The following GYS2 variants were observed in gnomAD, a reference collection of about 807,000 sequenced individuals.
GYS2 encodes glycogen synthase 2.
A neutral mutation model predicts 85.6 loss-of-function variants in GYS2; 80 were observed. The ratio of observed to expected loss-of-function variants is 0.93; its 90% CI spans 0.78 to 1.13. The LOEUF (loss-of-function observed/expected upper bound fraction) is 1.13. Ranked by LOEUF, GYS2 falls within the 50% of genes most tolerant of loss-of-function variation. GYS2 has a pLI of 0.00. For synonymous variants in GYS2, 328 were observed against 300.7 expected (o/e 1.09, Z -0.94); for missense variants, 881 against 854.9 (o/e 1.03, Z -0.38).
intron 1 of GYS2, among the ~76,000 whole-genome samples, chr12:21,596,108 A>G (rs1944693422): frequency 2.0e-5 from 3 of 152,138 alleles, no homozygotes; most frequent in Non-Finnish European, 2.9e-5. Context: ...TTAATTGGTA[A>G]TTAAAAAATT....
At chr12:21,548,459 T>C (rs1270623139) in intron 11 of GYS2, among the ~76,000 whole-genome samples, 1 of 152,160 alleles carries the variant, frequency 6.6e-6, no homozygotes, top group African/African-American at 2.4e-5. Flanking sequence ...GCATAGGTCA[T>C]AGTAATATGA....
intron 12 of GYS2, 136 bp from the exon 13 acceptor site, chr12:21,542,727 T>C: frequency 1.4e-6 from 1 of 700,098 alleles, no homozygotes. Context: ...CTAAACTCTT[T>C]ACATGTCTCA....
intron 12 of GYS2, among the ~76,000 whole-genome samples, chr12:21,543,682 C>A (rs1404091348): frequency 6.6e-6 from 1 of 151,980 alleles, no homozygotes; most frequent in Non-Finnish European, 1.5e-5. Flanking sequence ...ACCTATCAAC[C>A]CATCGTCTAG....
Position 21,568,930 on chromosome 12 carries a change from T to C in GYS2, c.758A>G (p.His253Arg). 1 of 1,613,414 alleles carries C rather than the reference T, an allele frequency of 6.2e-7. No individual in the cohort carries two copies. The highest frequency in any genetic ancestry group is 8.5e-7 in the Non-Finnish European group (1 of 1,179,282). ...CMERASVHCAHVFTTVSEITA... is the reference protein window; with the variant it reads ...CMERASVHCARVFTTVSEITA... ...TATTTCAGAAACCGTGGTGAACACG[T>C]GAGCGCAATGAACGGAAGCTCGCTC... The change falls in exon 5 of 16, where the codon CAC becomes CGC. Residue 253 changes from histidine (H) to arginine (R), a missense_variant. Physicochemically the swap from His to Arg is conservative, Grantham distance 29. Coordinates refer to ENST00000261195, the MANE Select transcript of GYS2 (RefSeq NM_021957.4).
At chr12:21,544,262 G>A in intron 12 of GYS2, among the ~76,000 whole-genome samples, 1 of 152,132 alleles carries the variant, frequency 6.6e-6, no homozygotes, top group East Asian at 1.9e-4. Flanking sequence ...GTAAAACACA[G>A]CATGACTCAT....
intron 2 of GYS2, among the ~76,000 whole-genome samples, chr12:21,576,924 C>T (rs112883192): frequency 1.1e-4 from 17 of 152,242 alleles, no homozygotes; most frequent in Middle Eastern, 3.4e-3. Flanking sequence ...GCAGAGGCTA[C>T]GAGTCTTTCT....
At chr12:21,584,894 G>T (rs895534153) in intron 1 of GYS2, among the ~76,000 whole-genome samples, 2 of 152,282 alleles carry the variant, frequency 1.3e-5, no homozygotes, top group South Asian at 4.1e-4. Flanking sequence ...GTGACAGTGG[G>T]CTCATGCTCA....
At chr12:21,575,162 A>G (rs899323234) in intron 3 of GYS2, among the ~76,000 whole-genome samples, 6 of 152,180 alleles carry the variant, frequency 3.9e-5, no homozygotes, top group African/African-American at 1.4e-4. Context: ...TAACTGATAT[A>G]TTATTAAGAA....
At chr12:21,587,838 G>A (rs1944591534) in intron 1 of GYS2, among the ~76,000 whole-genome samples, 1 of 152,146 alleles carries the variant, frequency 6.6e-6, no homozygotes, top group Non-Finnish European at 1.5e-5. Context: ...GATGTCATGA[G>A]GAGGAATTTT....
At chr12:21,562,144 T>C (rs1944261121) in intron 7 of GYS2, among the ~76,000 whole-genome samples, 1 of 152,200 alleles carries the variant, frequency 6.6e-6, no homozygotes, top group Admixed American at 6.5e-5. Flanking sequence ...ACCCACTTTG[T>C]ATCCCACCTT....
intron 8 of GYS2, 83 bp from the exon 9 acceptor site, chr12:21,559,793 TG>T: frequency 1.1e-6 from 1 of 872,282 alleles, no homozygotes; most frequent in African/African-American, 1.7e-5. Flanking sequence ...ATTGTTTTGT[TG>T]ACATTCTTTG....
chr12:21,546,693 C>T (rs1002985567), intron 11 of GYS2, among the ~76,000 whole-genome samples: 1 of 152,196 alleles, frequency 6.6e-6, no homozygotes, highest in Non-Finnish European at 1.5e-5. Flanking sequence ...AACTTTCCCT[C>T]AGGTTCCAAG....
In GYS2 at chr12:21,559,151, C is replaced by G. The variant is rs748094604; in HGVS notation, c.1248G>C (p.Leu416=). ...GATCATCTCGATCTAAAATATCGTT[C>G]AGGTCAGGAATTTCTCCTCTGCAGG... The part of the protein sequence containing the change: ...DALLRGEIPD[L]NDILDRDDLT... The change falls in exon 10 of 16, where the codon CTG becomes CTC. Residue 416 remains leucine (L), a synonymous_variant. Transcript: ENST00000261195. The G allele has an allele frequency of 3.1e-6, 5 of 1,607,092 alleles. 1 individual carries two copies. The South Asian group carries it at 5.5e-5, about 18-fold the overall frequency.
intron 13 of GYS2, among the ~76,000 whole-genome samples, chr12:21,541,816 A>G (rs1459054984): frequency 6.6e-6 from 1 of 152,166 alleles, no homozygotes; most frequent in East Asian, 1.9e-4. Flanking sequence ...GGTGATTAAC[A>G]TAGTGCCTGG....
At chr12:21,592,619 G>A (rs1944652092) in intron 1 of GYS2, among the ~76,000 whole-genome samples, 1 of 152,004 alleles carries the variant, frequency 6.6e-6, no homozygotes, top group Admixed American at 6.6e-5. Flanking sequence ...CTCAACACCA[G>A]AGCATCCAGA....
intron 11 of GYS2, among the ~76,000 whole-genome samples, chr12:21,553,971 C>A (rs1329264526): frequency 6.6e-6 from 1 of 152,118 alleles, no homozygotes; most frequent in Non-Finnish European, 1.5e-5. Flanking sequence ...ACTGAAAAGC[C>A]ATGTTGAGTG....
Position 21,575,935 on chromosome 12 carries a change from A to G in GYS2, c.426T>C (p.Ile142=). Residue 142 remains isoleucine, a synonymous_variant, in exon 3 of 16, where the codon ATT becomes ATC. Transcript: ENST00000261195. ...GDLWEACSVG[I]PYHDREANDM... ...CATTGGCTTCTCGGTCATGATAAGG[A>G]ATGCCGACACTGCATGCTTCCCAGA... The G allele has an allele frequency of 6.2e-7, 1 of 1,613,974 alleles. No individual in the cohort carries two copies. The highest frequency in any genetic ancestry group is 1.1e-5 in the South Asian group (1 of 91,082).
At chr12:21,543,500 C>A (rs1160528164) in intron 12 of GYS2, among the ~76,000 whole-genome samples, 1 of 152,128 alleles carries the variant, frequency 6.6e-6, no homozygotes, top group Non-Finnish European at 1.5e-5. Flanking sequence ...TTTTTACACA[C>A]TTTTATTTCC....
chr12:21,600,754 G>A (rs1026457996), intron 1 of GYS2, among the ~76,000 whole-genome samples: 1 of 152,098 alleles, frequency 6.6e-6, no homozygotes, highest in Non-Finnish European at 1.5e-5. Context: ...AACTCCTTGA[G>A]TTCACTTATA....
Sources: gnomAD v4.1 joint callset for allele counts (sites outside exome capture counted in the v4.1 genomes callset) on GRCh38, gnomAD v4.1.1 for gene constraint, MANE v1.5 for transcripts, NCBI Gene and HGNC (gene_info 2026-07-23, HGNC 2026-07-21) for gene names.